KCNIP4: variants seen among roughly 807,000 people sequenced by gnomAD.
KCNIP4 encodes potassium voltage-gated channel interacting protein 4.
A neutral mutation model predicts 34.0 loss-of-function variants in KCNIP4; 12 were observed. The ratio of observed to expected loss-of-function variants is 0.35; its 90% confidence interval spans 0.23 to 0.57. The LOEUF (loss-of-function observed/expected upper bound fraction) is 0.57. KCNIP4 is among the 20% of genes least tolerant of loss of function. KCNIP4 has a pLI of 0.83. For synonymous variants in KCNIP4, 124 were observed against 102.2 expected (o/e 1.21, Z -1.29); for missense variants, 238 against 311.7 (o/e 0.76, Z 1.78).
At chr4:20,781,384 T>C (rs920511744) in intron 3 of KCNIP4, among the ~76,000 whole-genome samples, 8 of 152,208 alleles carry the variant, frequency 5.3e-5, no homozygotes. Context: ...AACAATTATA[T>C]GATGAATTTC....
intron 3 of KCNIP4, among the ~76,000 whole-genome samples, chr4:20,840,308 T>A (rs565042512): frequency 1.7e-4 from 26 of 152,270 alleles, no homozygotes; most frequent in Admixed American, 9.8e-4. Flanking sequence ...AATGTGTGAT[T>A]GTATATTGGG....
chr4:21,234,812 T>A (rs548365166), intron 1 of KCNIP4, among the ~76,000 whole-genome samples: 14 of 151,842 alleles, frequency 9.2e-5, no homozygotes, highest in African/African-American at 2.2e-4. Context: ...CATGCCCAGC[T>A]AATTTTTGTA....
chr4:21,635,056 A>T (rs966868752), intron 1 of KCNIP4, among the ~76,000 whole-genome samples: 4 of 152,206 alleles, frequency 2.6e-5, no homozygotes, highest in Admixed American at 2.6e-4. Flanking sequence ...GTCATCTAAA[A>T]TTCTATCTTC....
In KCNIP4 at chr4:21,352,638, C is replaced by T. The variant is rs1338499461; in HGVS notation, c.62-469929G>A. Among the ~76,000 whole-genome samples, 4 of 152,202 alleles carry T rather than the reference C, an allele frequency of 2.6e-5. No individual in the cohort carries two copies. In the South Asian group the frequency reaches 6.2e-4, roughly 24 times the overall value. On this transcript the variant is annotated intron_variant, in intron 1 of 8. Coordinates refer to ENST00000382152, the MANE Select transcript of KCNIP4 (RefSeq NM_025221.6). ...AAGCAGCCAGGAAGCCTGAACTGGG[C>T]GGAGCCCACCACAGCTCAGCAAGGC...
chr4:20,771,444 C>T (rs1356426879), intron 3 of KCNIP4, among the ~76,000 whole-genome samples: 1 of 152,142 alleles, frequency 6.6e-6, no homozygotes, highest in African/African-American at 2.4e-5. Context: ...ACATAAGCTA[C>T]AACCTTCTTG....
intron 1 of KCNIP4, among the ~76,000 whole-genome samples, chr4:21,193,468 A>G (rs545819942): frequency 6.6e-6 from 1 of 152,312 alleles, no homozygotes; most frequent in South Asian, 2.1e-4. Context: ...CCAAAGAGTC[A>G]AGAATATGGA....
chr4:21,071,859 T>C (rs1331371419), intron 1 of KCNIP4, among the ~76,000 whole-genome samples: 1 of 152,178 alleles, frequency 6.6e-6, no homozygotes, highest in East Asian at 1.9e-4. Flanking sequence ...GTTCTCATTG[T>C]TCAATTCCCA....
intron 1 of KCNIP4, among the ~76,000 whole-genome samples, chr4:21,504,720 G>A (rs898999815): frequency 6.6e-6 from 1 of 151,992 alleles, no homozygotes; most frequent in Non-Finnish European, 1.5e-5. Context: ...GGTTTCACAC[G>A]GGATACTATC....
intron 3 of KCNIP4, among the ~76,000 whole-genome samples, chr4:20,832,165 T>C (rs894107244): frequency 1.3e-5 from 2 of 152,228 alleles, no homozygotes; most frequent in African/African-American, 4.8e-5. Flanking sequence ...TTACAGGCAC[T>C]AAATTGCTGT....
chr4:21,071,623 TTTTA>T (rs1484330329), intron 1 of KCNIP4, among the ~76,000 whole-genome samples: 47 of 152,252 alleles, frequency 3.1e-4, no homozygotes, highest in South Asian at 6.2e-4. Context: ...TCTGTTGGGA[TTTTA>T]TTTATTTTTT....
intron 1 of KCNIP4, among the ~76,000 whole-genome samples, chr4:21,914,354 T>C (rs1728511487): frequency 6.6e-6 from 1 of 151,994 alleles, no homozygotes; most frequent in African/African-American, 2.4e-5. Flanking sequence ...GAAGGGAGAA[T>C]AGTCTAGTGG....
chr4:21,098,427 AG>A (rs1159015951), intron 1 of KCNIP4, among the ~76,000 whole-genome samples: 1 of 152,194 alleles, frequency 6.6e-6, no homozygotes, highest in African/African-American at 2.4e-5. Flanking sequence ...CTCCTTTGTT[AG>A]GGGCTAATAC....
intron 1 of KCNIP4, among the ~76,000 whole-genome samples, chr4:21,537,926 A>G (rs528687434): frequency 6.8e-6 from 1 of 147,240 alleles, no homozygotes; most frequent in South Asian, 2.2e-4. Context: ...TCAGAAGAAT[A>G]GCTTGAACCA....
chr4:21,381,435 C>T (rs1358076624), intron 1 of KCNIP4, among the ~76,000 whole-genome samples: 1 of 152,098 alleles, frequency 6.6e-6, no homozygotes, highest in Non-Finnish European at 1.5e-5. Flanking sequence ...AGTATTTTTA[C>T]TCAACTTTTA....
chr4:21,257,469 G>C lies in KCNIP4; in HGVS notation c.62-374760C>G, dbSNP rs1034798570. On this transcript the variant is annotated intron_variant, in intron 1 of 8. Transcript: ENST00000382152. ...AACTGTATCAGAAACTCTAGGCTGC[G>C]GGGCGTGGTGGCTCACACCTGTAAT... Among the ~76,000 whole-genome samples the C allele has an allele frequency of 2.0e-5, 3 of 151,878 alleles. No individual in the cohort carries two copies. The South Asian group carries it at 6.2e-4, about 31-fold the overall frequency.
In KCNIP4 at chr4:21,402,934, C is replaced by A. The variant is rs143512587; in HGVS notation, c.62-520225G>T. Among the ~76,000 whole-genome samples the A allele has an allele frequency of 1.5e-4, 23 of 152,102 alleles. No individual in the cohort carries two copies. In the East Asian group the frequency reaches 3.7e-3, roughly 24 times the overall value. ...TGTGTAGACTGAGATGTCCTATGTT[C>A]TTTATAATTAAGTTCTTTTGCTCTG... is the stretch of plus-strand genomic sequence containing the variant. On this transcript the variant is annotated intron_variant, in intron 1 of 8. Coordinates refer to ENST00000382152, the MANE Select transcript of KCNIP4 (RefSeq NM_025221.6).
In KCNIP4 at chr4:20,793,776, C is replaced by T. The variant is rs554651939; in HGVS notation, c.289-34886G>A. 6.6e-5 allele frequency among the ~76,000 whole-genome samples: 10 copies of T among 151,976 alleles called. 1 individual carries two copies. The East Asian group carries it at 1.9e-3, about 29-fold the overall frequency. Reference sequence around the variant, plus strand: ...CTTGTTTTCCTGCAACTAGATGATCCCATCTGAGGGTGATGGGAGATAGTG... The same window carrying T: ...CTTGTTTTCCTGCAACTAGATGATCTCATCTGAGGGTGATGGGAGATAGTG... On this transcript the variant is annotated intron_variant, in intron 3 of 8. Transcript: ENST00000382152.
intron 1 of KCNIP4, among the ~76,000 whole-genome samples, chr4:21,356,927 C>T (rs1443464656): frequency 6.6e-6 from 1 of 152,084 alleles, no homozygotes; most frequent in African/African-American, 2.4e-5. Context: ...TACTACAAGG[C>T]TATAGTAACA....
intron 1 of KCNIP4, among the ~76,000 whole-genome samples, chr4:21,371,047 AG>A (rs1402178305): frequency 7.1e-6 from 1 of 141,416 alleles, no homozygotes; most frequent in Non-Finnish European, 1.5e-5. Context: ...TGGTGGGGGT[AG>A]GGGTGAAGGT....
Sources: allele counts gnomAD v4.1 joint callset (sites outside exome capture counted in the v4.1 genomes callset), GRCh38; gene constraint gnomAD v4.1.1; transcripts MANE v1.5; gene names NCBI Gene and HGNC (gene_info 2026-07-23, HGNC 2026-07-21).